The following EYA1 variants were observed in gnomAD, a reference collection of about 807,000 sequenced individuals.
The protein encoded by EYA1 is protein phosphatase EYA1.
EYA1 carries 16 observed loss-of-function variants against 82.0 expected under a neutral mutation model. The observed-to-expected ratio is 0.20, with a 90% CI of 0.13 to 0.30. EYA1 has a LOEUF of 0.30. EYA1 is among the 10% of genes least tolerant of loss of function. The pLI, the probability that EYA1 is intolerant of heterozygous loss-of-function variation, is 1.00. For synonymous variants in EYA1, 261 were observed against 264.4 expected, an observed-to-expected ratio of 0.99 and a Z score of 0.12; for missense variants, 633 against 730.7, an observed-to-expected ratio of 0.87 and a Z score of 1.54.
chr8:71,388,532 C>T (rs1563560387), intron 2 of EYA1, among the ~76,000 whole-genome samples: 2 of 152,258 alleles, frequency 1.3e-5, no homozygotes, highest in South Asian at 4.2e-4. Context: ...AGGAAGAGAT[C>T]CGAGGACCTT....
In EYA1 at chr8:71,215,610, T is replaced by C. The variant is rs747053785; in HGVS notation, c.1475+4A>G. ...CCTGGCAAAGACCCCGCAGAGAGCCTCACCGGGAGTGAATGAGCGAGAGTG... is the reference window on the plus strand; with the variant it reads ...CCTGGCAAAGACCCCGCAGAGAGCCCCACCGGGAGTGAATGAGCGAGAGTG... On this transcript the variant is annotated splice_donor_region_variant and intron_variant, in intron 15 of 17. Transcript: ENST00000340726. 6.2e-7 allele frequency: 1 copy of C among 1,613,554 alleles called. No individual in the cohort carries two copies. Among genetic ancestry groups the C allele is most frequent in the South Asian group, 1.1e-5 (1 of 91,068 alleles).
chr8:71,475,030 G>A (rs1401826981), intron 2 of EYA1, among the ~76,000 whole-genome samples: 1 of 152,178 alleles, frequency 6.6e-6, no homozygotes, highest in East Asian at 1.9e-4. Flanking sequence ...TACTTGGGAG[G>A]CTGAGGCAGG....
intron 11 of EYA1, among the ~76,000 whole-genome samples, chr8:71,256,627 G>A (rs1814455132): frequency 6.6e-6 from 1 of 152,170 alleles, no homozygotes; most frequent in African/African-American, 2.4e-5. Flanking sequence ...TTACAACAAT[G>A]TGAAGGTACT....
intron 9 of EYA1, among the ~76,000 whole-genome samples, chr8:71,280,415 T>C (rs1356771310): frequency 6.6e-6 from 1 of 152,170 alleles, no homozygotes; most frequent in Non-Finnish European, 1.5e-5. Flanking sequence ...CATAGCTGAA[T>C]ATGACAGATA....
chr8:71,391,237 C>T (rs765617913), intron 2 of EYA1, among the ~76,000 whole-genome samples: 6 of 152,168 alleles, frequency 3.9e-5, no homozygotes, highest in Non-Finnish European at 7.3e-5. Context: ...CCCACCTCAG[C>T]CTCCCAAAGT....
chr8:71,363,247 G>A (rs536518955), upstream of EYA1, among the ~76,000 whole-genome samples: 1 of 151,934 alleles, frequency 6.6e-6, no homozygotes, highest in East Asian at 1.9e-4. Flanking sequence ...TTTCCAGATC[G>A]TCAACTAATA....
intron 2 of EYA1, among the ~76,000 whole-genome samples, chr8:71,391,369 A>G (rs1319104234): frequency 6.6e-6 from 1 of 152,176 alleles, no homozygotes; most frequent in East Asian, 1.9e-4. Context: ...TTATCTTTCT[A>G]GCAACTAGCA....
At chr8:71,356,553 G>A in intron 1 of EYA1, 42 bp from the exon 2 acceptor site, 1 of 1,547,750 alleles carries the variant, frequency 6.5e-7, no homozygotes, top group African/African-American at 1.4e-5. Flanking sequence ...TTGTTACTCT[G>A]CTTCAGTGTC....
At chr8:71,478,631 A>G (rs1431142610) in intron 2 of EYA1, among the ~76,000 whole-genome samples, 1 of 152,164 alleles carries the variant, frequency 6.6e-6, no homozygotes, top group Non-Finnish European at 1.5e-5. Flanking sequence ...CACTGCCTAC[A>G]TGCTGTGGAC....
intron 2 of EYA1, among the ~76,000 whole-genome samples, chr8:71,399,243 C>T (rs551943840): frequency 5.3e-4 from 81 of 152,176 alleles, no homozygotes; most frequent in African/African-American, 1.8e-3. Flanking sequence ...TTGTGCTTCC[C>T]GGGTGAAGCG....
intron 2 of EYA1, among the ~76,000 whole-genome samples, chr8:71,405,898 C>T (rs899053683): frequency 6.6e-5 from 10 of 152,114 alleles, no homozygotes; most frequent in African/African-American, 2.4e-4. Flanking sequence ...ATTGCATTCG[C>T]CTCTCAAATC....
chr8:71,449,861 G>C (rs1303501770), intron 2 of EYA1, among the ~76,000 whole-genome samples: 1 of 152,188 alleles, frequency 6.6e-6, no homozygotes, highest in Non-Finnish European at 1.5e-5. Context: ...CTGGAAACTT[G>C]CTGCAGAAGT....
At chr8:71,345,991 A>AACAC (rs144686032) in intron 3 of EYA1, among the ~76,000 whole-genome samples, 2 of 151,232 alleles carry the variant, frequency 1.3e-5, no homozygotes, top group Non-Finnish European at 3.0e-5. Flanking sequence ...CATACACACA[A>AACAC]ACACACACAC....
At chr8:71,246,541 C>A (rs1476197906) in intron 11 of EYA1, among the ~76,000 whole-genome samples, 1 of 152,210 alleles carries the variant, frequency 6.6e-6, no homozygotes, top group African/African-American at 2.4e-5. Flanking sequence ...TCTTTAACAT[C>A]TGCCATGCCT....
At chr8:71,451,354 C>T (rs1480220680) in intron 2 of EYA1, among the ~76,000 whole-genome samples, 1 of 152,090 alleles carries the variant, frequency 6.6e-6, no homozygotes, top group East Asian at 1.9e-4. Context: ...AAATATTATA[C>T]TGTCAATTAA....
intron 3 of EYA1, among the ~76,000 whole-genome samples, chr8:71,348,203 A>G (rs1463230328): frequency 6.6e-6 from 1 of 152,190 alleles, no homozygotes; most frequent in Non-Finnish European, 1.5e-5. Flanking sequence ...CCAAGTTAGC[A>G]AGGTGAGAAG....
At chr8:71,276,308 A>G (rs1817166004) in intron 9 of EYA1, among the ~76,000 whole-genome samples, 1 of 152,040 alleles carries the variant, frequency 6.6e-6, no homozygotes, top group Admixed American at 6.5e-5. Flanking sequence ...CTCTTATCCC[A>G]CTGTAGGCTC....
intron 4 of EYA1, among the ~76,000 whole-genome samples, chr8:71,332,487 A>G (rs998257363): frequency 1.3e-5 from 2 of 151,978 alleles, no homozygotes; most frequent in African/African-American, 4.8e-5. Flanking sequence ...TATAAATTCT[A>G]CTTCGTAAAT....
intron 2 of EYA1, among the ~76,000 whole-genome samples, chr8:71,481,433 A>C (rs1440168055): frequency 6.6e-6 from 1 of 152,206 alleles, no homozygotes; most frequent in African/African-American, 2.4e-5. Flanking sequence ...ATCAATCCTA[A>C]GCTGTTACAT....
Sources: allele counts gnomAD v4.1 joint callset (sites outside exome capture counted in the v4.1 genomes callset), GRCh38; gene constraint gnomAD v4.1.1; transcripts MANE v1.5; gene names NCBI Gene and HGNC (gene_info 2026-07-23, HGNC 2026-07-21).